The following HP1BP3 variants were observed in gnomAD, a reference collection of about 807,000 sequenced individuals.
HP1BP3 encodes the protein heterochromatin protein 1 binding protein 3.
A neutral mutation model predicts 62.5 loss-of-function variants in HP1BP3; 12 were observed. That is an observed-to-expected ratio of 0.19 (90% CI 0.12 to 0.31). HP1BP3 has a LOEUF of 0.31. Ranked by LOEUF, HP1BP3 falls within the 10% of genes least tolerant of loss-of-function variation. The pLI is 1.00. For synonymous variants in HP1BP3, 260 were observed against 237.8 expected, an observed-to-expected ratio of 1.09 and a Z score of -0.86; for missense variants, 502 against 651.8, an observed-to-expected ratio of 0.77 and a Z score of 2.50.
chr1:20,776,575 G>T (rs776302276), intron 4 of HP1BP3, 22 bp downstream of exon 4: 1 of 1,587,454 alleles, frequency 6.3e-7, no homozygotes, highest in Admixed American at 1.8e-5. Context: ...AATATAAATA[G>T]CAAGAAGACA....
Position 20,771,043 on chromosome 1 carries a change from C to T in HP1BP3, c.541G>A (p.Val181Ile). ...TGGATGATGTATTTTCGAATAGCAA[C>T]CACTGATGCACCACTCTTCTGGAAG... ...ACFQKSGASVVAIRKYIIHKY... is the reference protein window; with the variant it reads ...ACFQKSGASVIAIRKYIIHKY... The change falls in exon 6 of 13, where the codon GTT becomes ATT. Residue 181 changes from valine to isoleucine, a missense_variant. By Grantham distance (29) the Val-to-Ile change is conservative (BLOSUM62 3). Around this residue, in one of 5 missense-constraint regions of HP1BP3, gnomAD observed 111 missense variants for 242.0 expected, o/e 0.46. Coordinates refer to ENST00000438032, the MANE Select transcript of HP1BP3 (RefSeq NM_001372052.1). 1 of 1,609,860 alleles carries T rather than the reference C, an allele frequency of 6.2e-7. No individual in the cohort carries two copies. Among genetic ancestry groups the T allele is most frequent in the South Asian group, 1.1e-5 (1 of 89,780 alleles).
chr1:20,771,090 A>G lies in HP1BP3; in HGVS notation c.511-17T>C, dbSNP rs559177. 4.5e-3 allele frequency: 7,091 copies of G among 1,581,510 alleles called. 249 individuals carry two copies. In the African/African-American group the frequency reaches 0.074, roughly 17 times the overall value. On this transcript the variant is annotated splice_polypyrimidine_tract_variant and intron_variant, in intron 5 of 12. Transcript: ENST00000438032. ...GAAGCATGCCTAGAAAAGATTTATT[A>G]AACTAGTTGTTTTTTTTTATTAGAT...
intron 12 of HP1BP3, 97 bp downstream of exon 12, chr1:20,745,446 C>G: frequency 1.4e-6 from 2 of 1,399,276 alleles, no homozygotes; most frequent in Non-Finnish European, 1.9e-6. Context: ...TCCTGAGTTT[C>G]TGAAATGCTT....
In HP1BP3 at chr1:20,747,365, C is replaced by T. The variant is rs1454472172; in HGVS notation, c.1253+179G>A. On this transcript the variant is annotated intron_variant, in intron 11 of 12. Transcript: ENST00000438032. ...AGACTTTTCAGATACATGGATTCCA[C>T]AGGGCTGAGTACATGCGCATTTGGG... 3.9e-5 allele frequency among the ~76,000 whole-genome samples: 6 copies of T among 152,216 alleles called. No homozygotes were observed. The East Asian group carries it at 1.2e-3, about 29-fold the overall frequency.
At chr1:20,773,172 C>G (rs924085239) in intron 5 of HP1BP3, among the ~76,000 whole-genome samples, 2 of 152,026 alleles carry the variant, frequency 1.3e-5, no homozygotes, top group South Asian at 4.1e-4. Flanking sequence ...ACATTTTCAG[C>G]CTTCAAATAA....
chr1:20,765,560 C>A lies in HP1BP3; in HGVS notation c.736-29G>T, dbSNP rs144179510. 87 of 1,570,436 alleles carry A rather than the reference C, an allele frequency of 5.5e-5. No individual in the cohort carries two copies. The East Asian group carries it at 1.9e-3, about 34-fold the overall frequency. On this transcript the variant is annotated intron_variant, in intron 7 of 12. Coordinates refer to ENST00000438032, the MANE Select transcript of HP1BP3 (RefSeq NM_001372052.1). The stretch of plus-strand genomic sequence containing the variant: ...AAAAGTAATTATCAAAAATTATGAT[C>A]ATTATAGAACGTAAATGTTTCTACA...
At chr1:20,747,718 C>T in intron 10 of HP1BP3, 63 bp from the exon 11 acceptor site, 1 of 952,982 alleles carries the variant, frequency 1.0e-6, no homozygotes, top group Non-Finnish European at 1.7e-6. Flanking sequence ...TTCCCTCAAC[C>T]ACAAACAGAT....
chr1:20,746,217 TG>T (rs1397491758), intron 11 of HP1BP3, among the ~76,000 whole-genome samples: 2 of 151,668 alleles, frequency 1.3e-5, no homozygotes, highest in South Asian at 4.2e-4. Context: ...TGTGTGTGTG[TG>T]TGTGTGTGTT....
chr1:20,749,714 G>A lies in HP1BP3; in HGVS notation c.1141+9C>T, dbSNP rs375085843. The A allele has an allele frequency of 2.2e-5, 35 of 1,605,976 alleles. No individual in the cohort carries two copies. The South Asian group carries it at 2.9e-4, about 13-fold the overall frequency. On this transcript the variant is annotated intron_variant, in intron 10 of 12. Coordinates refer to ENST00000438032, the MANE Select transcript of HP1BP3 (RefSeq NM_001372052.1). The stretch of plus-strand genomic sequence containing the variant: ...TAATCCCAGTTAAATATACACAACC[G>A]AGTCTTACTTTGATAGTTAGAATTG...
chr1:20,756,334 A>G (rs1557646014), intron 9 of HP1BP3, among the ~76,000 whole-genome samples: 1 of 152,158 alleles, frequency 6.6e-6, no homozygotes, highest in South Asian at 2.1e-4. Flanking sequence ...AACAGATACT[A>G]GCTGTCTTCT....
intron 1 of HP1BP3, among the ~76,000 whole-genome samples, chr1:20,781,829 T>A (rs975208152): frequency 1.2e-4 from 19 of 152,156 alleles, no homozygotes; most frequent in African/African-American, 4.6e-4. Context: ...TTTCACCATG[T>A]TGGTCAGGCT....
intron 4 of HP1BP3, chr1:20,774,563 T>C (rs1311714181): frequency 6.6e-6 from 1 of 152,208 alleles, no homozygotes; most frequent in Non-Finnish European, 1.5e-5. Context: ...AAGATTATAA[T>C]GGAACTGAAA....
Position 20,775,206 on chromosome 1 carries a change from T to C in HP1BP3, c.350+1391A>G, listed in dbSNP as rs572290745. Among the ~76,000 whole-genome samples the C allele has an allele frequency of 3.3e-5, 5 of 152,232 alleles. 1 individual carries two copies. The South Asian group carries it at 6.2e-4, about 19-fold the overall frequency. ...TATCATAGGAAATGACAGGTCCATG[T>C]GTGTTGCTGCCCCTGAAGGCCTTGA... On this transcript the variant is annotated intron_variant, in intron 4 of 12. Coordinates refer to ENST00000438032, the MANE Select transcript of HP1BP3 (RefSeq NM_001372052.1).
At chr1:20,783,216 G>A (rs1479152199) in intron 1 of HP1BP3, among the ~76,000 whole-genome samples, 2 of 152,040 alleles carry the variant, frequency 1.3e-5, no homozygotes, top group Non-Finnish European at 2.9e-5. Context: ...CAGTTATTTG[G>A]GATAAATATT....
intron 4 of HP1BP3, chr1:20,774,443 C>A (rs963731190): frequency 2.6e-5 from 4 of 152,090 alleles, no homozygotes; most frequent in Non-Finnish European, 4.4e-5. Context: ...ATAAAGAATA[C>A]CCTGAAGATT....
chr1:20,773,188 GTACT>G (rs2057137289), intron 5 of HP1BP3, among the ~76,000 whole-genome samples: 1 of 152,056 alleles, frequency 6.6e-6, no homozygotes, highest in Non-Finnish European at 1.5e-5. Flanking sequence ...AATAAAAACT[GTACT>G]TAATCGATAA....
intron 9 of HP1BP3, among the ~76,000 whole-genome samples, chr1:20,755,801 T>C (rs2056069600): frequency 6.6e-6 from 1 of 152,124 alleles, no homozygotes; most frequent in Non-Finnish European, 1.5e-5. Context: ...TGAAATACTA[T>C]TGGACAATAA....
intron 5 of HP1BP3, among the ~76,000 whole-genome samples, chr1:20,771,885 T>TA (rs1316162543): frequency 6.6e-6 from 1 of 152,244 alleles, no homozygotes; most frequent in Non-Finnish European, 1.5e-5. Context: ...ATGTAGCACT[T>TA]ATTCATTCTC....
In HP1BP3 at chr1:20,744,765, T is replaced by C. The variant is rs774102632; in HGVS notation, c.*32A>G. 6.5e-7 allele frequency: 1 copy of C among 1,549,016 alleles called. No homozygotes were observed. The highest frequency in any genetic ancestry group is 1.4e-5 in the African/African-American group (1 of 72,072). On this transcript the variant is annotated 3_prime_UTR_variant, in exon 13 of 13. Coordinates refer to ENST00000438032, the MANE Select transcript of HP1BP3 (RefSeq NM_001372052.1). ...TGACCTTAGAAAATAAGATTTTGAA[T>C]TTCATCATGATACCCTTTTTTCCTA... is the stretch of plus-strand genomic sequence containing the variant.
Sources: allele counts gnomAD v4.1 joint callset (sites outside exome capture counted in the v4.1 genomes callset), GRCh38; gene constraint gnomAD v4.1.1; regional missense constraint gnomAD v4.1.1; transcripts MANE v1.5; gene names NCBI Gene and HGNC (gene_info 2026-07-23, HGNC 2026-07-21).